The following ZNF845 variants were observed in gnomAD, a reference collection of about 807,000 sequenced individuals.
ZNF845 encodes the protein zinc finger protein 845.
ZNF845 carries 59 observed loss-of-function variants against 76.1 expected under a neutral mutation model. The observed-to-expected ratio is 0.78, with a 90% CI of 0.63 to 0.96. ZNF845 has a LOEUF of 0.96. ZNF845 is among the 40% of genes least tolerant of loss of function. ZNF845 has a pLI of 0.00. For synonymous variants in ZNF845, 361 were observed against 386.9 expected (o/e 0.93, Z 0.78); for missense variants, 1,045 against 1,172.8 (o/e 0.89, Z 1.59).
intron 1 of ZNF845, among the ~76,000 whole-genome samples, chr19:53,338,941 GA>G (rs987916674): frequency 1.3e-4 from 19 of 148,776 alleles, no homozygotes; most frequent in African/African-American, 4.5e-4. Flanking sequence ...AAGAAAGAAA[GA>G]AAAAAAAATG....
chr19:53,343,578 T>C (rs898801610), intron 2 of ZNF845, among the ~76,000 whole-genome samples: 1 of 152,206 alleles, frequency 6.6e-6, no homozygotes, highest in Non-Finnish European at 1.5e-5. Context: ...CCACTTTTTA[T>C]ATTTTTAAAA....
At position 53,351,019 on chromosome 19, in the gene ZNF845, A is replaced by T. The variant is rs2085329789; in HGVS notation, c.344A>T (p.Glu115Val). Residue 115 changes from glutamate to valine, a missense_variant, in exon 4 of 4, where the codon GAA (glutamate) becomes GTA (valine). Coordinates refer to ENST00000458035, the MANE Select transcript of ZNF845 (RefSeq NM_138374.3). ...AATAGCCATGAAGCACCCATGACAG[A>T]AATCAAACAGTTGACGGGTAGTACA... ...ERNSHEAPMTEIKQLTGSTNR... is the reference protein window; with the variant it reads ...ERNSHEAPMTVIKQLTGSTNR... 6.2e-7 allele frequency: 1 copy of T among 1,614,092 alleles called. No homozygotes were observed. The highest frequency in any genetic ancestry group is 8.5e-7 in the Non-Finnish European group (1 of 1,180,038).
At chr19:53,344,062 T>C (rs2085276230) in intron 2 of ZNF845, among the ~76,000 whole-genome samples, 1 of 152,052 alleles carries the variant, frequency 6.6e-6, no homozygotes, top group Admixed American at 6.6e-5. Context: ...CTGCAACCTC[T>C]GCCTCCTGGG....
chr19:53,337,442 G>A (rs1467908742), intron 1 of ZNF845, among the ~76,000 whole-genome samples: 1 of 149,018 alleles, frequency 6.7e-6, no homozygotes, highest in Non-Finnish European at 1.5e-5. Context: ...GTGTAGTCTG[G>A]TGACCTTCTC....
Position 53,336,620 on chromosome 19 carries a change from C to CCTTT in ZNF845, c.-74+2841_-74+2844dup, listed in dbSNP as rs199656573. Reference sequence around the variant, plus strand: ...TTTTTCTTTCTGGTTCCTCTTCCTTCCTTTCTTTCTTTCTTTTTTTTTTTT... The same window carrying CCTTT: ...TTTTTCTTTCTGGTTCCTCTTCCTTCCTTTCTTTCTTTCTTTCTTTTTTTTTTTT... On this transcript the variant is annotated intron_variant, in intron 1 of 3. Transcript: ENST00000458035. 6.8e-3 allele frequency among the ~76,000 whole-genome samples: 944 copies of CCTTT among 139,588 alleles called. 7 individuals carry two copies. The highest frequency in any genetic ancestry group is 0.018 in the Middle Eastern group (5 of 272). 91.6% of individuals were successfully genotyped at this position (139,588 alleles called of 152,430 possible).
rs1568740504 is a variant in ZNF845 at position 53,350,979 on chromosome 19, AAAG to A, written c.309_311del (p.Glu103del). The A allele has an allele frequency of 6.2e-7, 1 of 1,614,050 alleles. No individual in the cohort carries two copies. The highest frequency in any genetic ancestry group is 8.5e-7 in the Non-Finnish European group (1 of 1,180,044). On this transcript the variant is annotated inframe_deletion, in exon 4 of 4. Transcript: ENST00000458035. Reference sequence around the variant, plus strand: ...TATTCATGATTTTGAGTTTCAGTGGAAAGAAGATGAAAGAAATAGCCATGAAGC... The same window carrying A: ...TATTCATGATTTTGAGTTTCAGTGGAAAGATGAAAGAAATAGCCATGAAGC...
At chr19:53,344,783 A>C (rs958058378) in intron 2 of ZNF845, among the ~76,000 whole-genome samples, 9 of 151,886 alleles carry the variant, frequency 5.9e-5, no homozygotes, top group Admixed American at 2.6e-4. Flanking sequence ...GGCATGTGCC[A>C]CAACGCCTGG....
intron 2 of ZNF845, among the ~76,000 whole-genome samples, chr19:53,342,725 G>C (rs1315552454): frequency 1.3e-5 from 2 of 152,074 alleles, no homozygotes; most frequent in African/African-American, 4.8e-5. Context: ...GCCATGTTCA[G>C]GTTTGTTACA....
chr19:53,346,169 C>CT (rs1034117923), intron 3 of ZNF845, among the ~76,000 whole-genome samples: 36 of 152,258 alleles, frequency 2.4e-4, no homozygotes, highest in African/African-American at 7.7e-4. Context: ...TGGAGAAGAC[C>CT]TTACCGTTGT....
intron 3 of ZNF845, among the ~76,000 whole-genome samples, chr19:53,347,306 T>G (rs1291478057): frequency 1.3e-5 from 2 of 150,482 alleles, no homozygotes; most frequent in East Asian, 2.0e-4. Context: ...TGAGAAGGAG[T>G]CTGTCTGTTG....
intron 3 of ZNF845, among the ~76,000 whole-genome samples, chr19:53,348,467 C>A (rs541292373): frequency 1.5e-4 from 23 of 152,236 alleles, no homozygotes; most frequent in African/African-American, 5.3e-4. Context: ...GAAACGAGCT[C>A]TTTAATATCT....
rs929878207 is a variant in ZNF845 at position 53,353,707 on chromosome 19, T to G, written c.*119T>G. 2.3e-5 allele frequency: 35 copies of G among 1,525,710 alleles called. No homozygotes were observed. Among genetic ancestry groups the G allele is most frequent in the Non-Finnish European group, 3.0e-5 (34 of 1,140,902 alleles). 94.5% of individuals were successfully genotyped at this position (1,525,710 alleles called of 1,614,324 possible). On this transcript the variant is annotated 3_prime_UTR_variant, in exon 4 of 4. Coordinates refer to ENST00000458035, the MANE Select transcript of ZNF845 (RefSeq NM_138374.3). Reference sequence around the variant, plus strand: ...TTTGTGACAAGAATCTTGGGCGTGATTCACACCTGGCCCAACAAACTAGAA... The same window carrying G: ...TTTGTGACAAGAATCTTGGGCGTGAGTCACACCTGGCCCAACAAACTAGAA...
chr19:53,351,324 T>C lies in ZNF845; in HGVS notation c.649T>C (p.Cys217Arg). Residue 217 changes from cysteine (C) to arginine (R), a missense_variant, in exon 4 of 4, where the codon TGT becomes CGT. Physicochemically the swap from Cys to Arg is radical, Grantham distance 180. Transcript: ENST00000458035. ...ACACATGAGAGAAAAATCTTTCCAA[T>C]GTAATGAGAGTGGCAAAGCCTTTAA... ...EVHMREKSFQ[C>R]NESGKAFNYS... The C allele has an allele frequency of 1.2e-6, 2 of 1,614,188 alleles. No homozygotes were observed. The highest frequency in any genetic ancestry group is 1.6e-4 in the Middle Eastern group (1 of 6,062).
intron 3 of ZNF845, chr19:53,346,456 A>G: frequency 2.9e-6 from 1 of 340,162 alleles, no homozygotes; most frequent in Non-Finnish European, 5.9e-6. Context: ...CGAGGCAGGC[A>G]AATCACCTGA....
At chr19:53,341,397 C>T in intron 2 of ZNF845, 75 bp downstream of exon 2, 1 of 1,601,162 alleles carries the variant, frequency 6.2e-7, no homozygotes, top group Non-Finnish European at 8.6e-7. Context: ...TGGGAATCTT[C>T]TCTGAGTCTG....
chr19:53,344,101 G>A (rs2085276638), intron 2 of ZNF845, among the ~76,000 whole-genome samples: 2 of 152,090 alleles, frequency 1.3e-5, no homozygotes, highest in South Asian at 2.1e-4. Flanking sequence ...AGCCTCCTGA[G>A]TAACTGGGAT....
intron 1 of ZNF845, among the ~76,000 whole-genome samples, chr19:53,335,065 CTATA>C (rs1436476316): frequency 6.6e-6 from 1 of 152,110 alleles, no homozygotes; most frequent in Non-Finnish European, 1.5e-5. Flanking sequence ...AAATTCCTAT[CTATA>C]AGACACATAC....
intron 1 of ZNF845, among the ~76,000 whole-genome samples, chr19:53,334,837 G>A (rs146016547): frequency 2.6e-5 from 4 of 152,070 alleles, no homozygotes. Flanking sequence ...TTGAGCCCAG[G>A]AGGTCCAGGC....
intron 2 of ZNF845, 34 bp downstream of exon 2, chr19:53,341,356 C>T (rs752622108): frequency 6.2e-6 from 10 of 1,613,318 alleles, no homozygotes; most frequent in Admixed American, 1.7e-5. Flanking sequence ...TGTTCTGTCT[C>T]CTTCCTCTCA....
Sources: gnomAD v4.1 joint callset for allele counts (sites outside exome capture counted in the v4.1 genomes callset) on GRCh38, gnomAD v4.1.1 for gene constraint, MANE v1.5 for transcripts, NCBI Gene and HGNC (gene_info 2026-07-23, HGNC 2026-07-21) for gene names.